Variants in PCDHA13 observed in about 807,000 individuals in gnomAD.
The protein encoded by PCDHA13 is protocadherin alpha-13.
Under a neutral mutation model 64.8 loss-of-function variants are expected in PCDHA13, and 54 were observed. The observed-to-expected ratio is 0.83, with a 90% CI of 0.67 to 1.04. PCDHA13 has a LOEUF of 1.04. PCDHA13 is among the 50% of genes least tolerant of loss of function. The pLI is 0.00. For synonymous variants in PCDHA13, 587 were observed against 564.4 expected (o/e 1.04, Z -0.57); for missense variants, 1,248 against 1,254.3 (o/e 0.99, Z 0.08).
chr5:140,917,435 T>A (rs1179418321), intron 1 of PCDHA13, among the ~76,000 whole-genome samples: 2 of 152,200 alleles, frequency 1.3e-5, no homozygotes, highest in South Asian at 2.1e-4. Flanking sequence ...CAATTTTTGT[T>A]TTTGCTGCAA....
chr5:140,909,945 A>C (rs540241627), intron 1 of PCDHA13, among the ~76,000 whole-genome samples: 3 of 152,316 alleles, frequency 2.0e-5, no homozygotes, highest in Non-Finnish European at 4.4e-5. Context: ...ACTCTGGTAA[A>C]AAGCCGTAGG....
chr5:140,960,402 G>C (rs2095546836), intron 1 of PCDHA13, among the ~76,000 whole-genome samples: 1 of 152,026 alleles, frequency 6.6e-6, no homozygotes, highest in African/African-American at 2.4e-5. Flanking sequence ...GCAAGGGGGG[G>C]TGCCCAAAAA....
intron 1 of PCDHA13, among the ~76,000 whole-genome samples, chr5:140,889,878 A>G (rs1456816812): frequency 6.6e-6 from 1 of 152,178 alleles, no homozygotes; most frequent in African/African-American, 2.4e-5. Flanking sequence ...GCCTGCCACC[A>G]TGTAAGAATT....
At chr5:140,968,008 CT>C (rs782634586) in intron 1 of PCDHA13, 1 of 1,614,202 alleles carries the variant, frequency 6.2e-7, no homozygotes, top group Non-Finnish European at 8.5e-7. Context: ...GACTGAATGG[CT>C]TTGGAAACTC....
At position 140,892,541 on chromosome 5, in the gene PCDHA13, T is replaced by C. The variant is rs192378744; in HGVS notation, c.2394+7879T>C. Among the ~76,000 whole-genome samples, 471 of 152,362 alleles carry C rather than the reference T, an allele frequency of 3.1e-3. 2 individuals are homozygous for C. Among genetic ancestry groups the C allele is most frequent in the African/African-American group, 0.011 (438 of 41,580 alleles). On this transcript the variant is annotated intron_variant, in intron 1 of 3. Coordinates refer to ENST00000289272, the MANE Select transcript of PCDHA13 (RefSeq NM_018904.3). ...CTGGTAGACTCAGGATTCTGACTTTTGTTTCTCTAGTCCTTGGAGACTGTC... is the reference window on the plus strand; with the variant it reads ...CTGGTAGACTCAGGATTCTGACTTTCGTTTCTCTAGTCCTTGGAGACTGTC...
At chr5:140,969,519 G>T in intron 1 of PCDHA13, 2 of 1,406,074 alleles carry the variant, frequency 1.4e-6, no homozygotes, top group Admixed American at 2.8e-5. Context: ...CTAAAGAATT[G>T]TTTTATTTTT....
At chr5:140,926,961 G>A in intron 1 of PCDHA13, 1 of 1,604,688 alleles carries the variant, frequency 6.2e-7, no homozygotes, top group Non-Finnish European at 8.5e-7. Context: ...GACAGCTCGA[G>A]TACTCAGTGC....
chr5:140,920,908 T>G (rs1333150217), intron 1 of PCDHA13, among the ~76,000 whole-genome samples: 1 of 151,136 alleles, frequency 6.6e-6, no homozygotes, highest in Non-Finnish European at 1.5e-5. Context: ...GGTTCTCAAA[T>G]CAGTTCCAAG....
intron 1 of PCDHA13, chr5:140,929,903 C>T (rs11747154): frequency 0.12 from 17,815 of 152,352 alleles, 1,161 homozygotes; most frequent in Middle Eastern, 0.19. Context: ...ATCTTTAATA[C>T]GATATACCAT....
At chr5:141,003,087 G>A (rs894210434) in intron 3 of PCDHA13, among the ~76,000 whole-genome samples, 4 of 152,198 alleles carry the variant, frequency 2.6e-5, no homozygotes, top group Non-Finnish European at 5.9e-5. Flanking sequence ...AGTTTAACAG[G>A]CCTGGCATTT....
chr5:141,002,195 A>G (rs2098065094), intron 3 of PCDHA13, among the ~76,000 whole-genome samples: 1 of 152,244 alleles, frequency 6.6e-6, no homozygotes, highest in South Asian at 2.1e-4. Flanking sequence ...CTGGCAAGAT[A>G]GTCCCCGGCT....
intron 3 of PCDHA13, among the ~76,000 whole-genome samples, chr5:140,999,132 T>TC (rs2153955890): frequency 6.6e-6 from 1 of 152,278 alleles, no homozygotes; most frequent in African/African-American, 2.4e-5. Context: ...CTGGAAAATG[T>TC]CACAGCCGGA....
intron 1 of PCDHA13, among the ~76,000 whole-genome samples, chr5:140,908,488 A>G (rs2073999089): frequency 6.6e-6 from 1 of 152,206 alleles, no homozygotes; most frequent in Non-Finnish European, 1.5e-5. Flanking sequence ...TAGGCAGTTC[A>G]GGTTGCTTGG....
At chr5:140,905,594 G>A (rs62384488) in intron 1 of PCDHA13, among the ~76,000 whole-genome samples, 48,024 of 151,986 alleles carry the variant, frequency 0.32, 7,949 homozygotes, top group East Asian at 0.53. Flanking sequence ...ATTTTGCTGG[G>A]AATTGCATTG....
At chr5:140,982,054 G>T (rs565307071) in intron 2 of PCDHA13, among the ~76,000 whole-genome samples, 1 of 152,322 alleles carries the variant, frequency 6.6e-6, no homozygotes, top group East Asian at 1.9e-4. Context: ...AAATATTTTA[G>T]TGTGTTTTCT....
chr5:140,974,146 A>G (rs1208366709), intron 1 of PCDHA13, among the ~76,000 whole-genome samples: 1 of 152,260 alleles, frequency 6.6e-6, no homozygotes, highest in Non-Finnish European at 1.5e-5. Context: ...TGAAAACTAT[A>G]CAAGGGTTTT....
chr5:140,911,381 G>A (rs2075444647), intron 1 of PCDHA13, among the ~76,000 whole-genome samples: 1 of 152,116 alleles, frequency 6.6e-6, no homozygotes, highest in African/African-American at 2.4e-5. Context: ...GGCTGTGCAT[G>A]CACCTTTCAT....
chr5:140,966,691 G>A, intron 1 of PCDHA13: 3 of 1,349,440 alleles, frequency 2.2e-6, no homozygotes, highest in Non-Finnish European at 1.9e-6. Context: ...GCGGAGGCGG[G>A]GCCCGGGCGT....
intron 1 of PCDHA13, among the ~76,000 whole-genome samples, chr5:140,892,460 C>T (rs1428598912): frequency 1.3e-5 from 2 of 152,102 alleles, no homozygotes; most frequent in African/African-American, 2.4e-5. Context: ...TCTTTAAGTA[C>T]GGTTATTCAG....
Sources: allele counts gnomAD v4.1 joint callset (sites outside exome capture counted in the v4.1 genomes callset), GRCh38; gene constraint gnomAD v4.1.1; transcripts MANE v1.5; gene names NCBI Gene and HGNC (gene_info 2026-07-23, HGNC 2026-07-21).